The following SLC4A4 variants were observed in gnomAD, a reference collection of about 807,000 sequenced individuals.
SLC4A4 encodes solute carrier family 4 member 4, also known as electrogenic sodium bicarbonate cotransporter 1.
SLC4A4 carries 27 observed loss-of-function variants against 111.5 expected under a neutral mutation model. That is an observed-to-expected ratio of 0.24 (90% confidence interval 0.18 to 0.33). The LOEUF is 0.33. Among genes scored for constraint, SLC4A4 ranks in the 10% least tolerant of loss-of-function variants. The pLI, the probability that SLC4A4 is intolerant of heterozygous loss-of-function variation, is 1.00. For synonymous variants in SLC4A4, 443 were observed against 463.4 expected (o/e 0.96, Z 0.57); for missense variants, 909 against 1,315.5 (o/e 0.69, Z 4.78).
At chr4:71,373,002 A>C (rs1413219421) in intron 6 of SLC4A4, among the ~76,000 whole-genome samples, 1 of 152,186 alleles carries the variant, frequency 6.6e-6, no homozygotes, top group Non-Finnish European at 1.5e-5. Flanking sequence ...CATTTCTGGA[A>C]TTAAACAATT....
At chr4:71,193,716 G>T (rs1745859309) in intron 1 of SLC4A4, among the ~76,000 whole-genome samples, 1 of 152,028 alleles carries the variant, frequency 6.6e-6, no homozygotes. Context: ...TATGATTATT[G>T]TCTACACTTT....
At chr4:71,085,472 T>C (rs1742134679) in intron 1 of SLC4A4, among the ~76,000 whole-genome samples, 1 of 152,080 alleles carries the variant, frequency 6.6e-6, no homozygotes, top group Admixed American at 6.5e-5. Flanking sequence ...AGTCATGAAG[T>C]CCTTGCCCAT....
At chr4:71,426,501 A>G (rs1448152431) in intron 7 of SLC4A4, among the ~76,000 whole-genome samples, 1 of 152,150 alleles carries the variant, frequency 6.6e-6, no homozygotes, top group Non-Finnish European at 1.5e-5. Flanking sequence ...TCTATTAACC[A>G]AAGAAGCCAA....
At chr4:71,122,826 T>C (rs965341) in intron 2 of SLC4A4, among the ~76,000 whole-genome samples, 5,256 of 152,270 alleles carry the variant, frequency 0.035, 304 homozygotes, top group African/African-American at 0.12. Context: ...CACAGGACTT[T>C]CAATCATTTT....
At chr4:71,379,185 A>G (rs185445455) in intron 6 of SLC4A4, among the ~76,000 whole-genome samples, 2 of 152,248 alleles carry the variant, frequency 1.3e-5, no homozygotes, top group East Asian at 3.9e-4. Flanking sequence ...ACCTTTAGTG[A>G]TGACTCTCTA....
At chr4:71,394,371 A>G (rs969964776) in intron 6 of SLC4A4, among the ~76,000 whole-genome samples, 2 of 152,188 alleles carry the variant, frequency 1.3e-5, no homozygotes, top group Admixed American at 1.3e-4. Context: ...AAAAGAAGAT[A>G]TGCAAATGGC....
At chr4:71,098,885 G>A (rs1035759241) in intron 2 of SLC4A4, among the ~76,000 whole-genome samples, 8 of 152,132 alleles carry the variant, frequency 5.3e-5, no homozygotes, top group Non-Finnish European at 1.5e-5. Context: ...TAATGGTAAA[G>A]GGTAATTCAA....
intron 3 of SLC4A4, among the ~76,000 whole-genome samples, chr4:71,325,918 A>G (rs769334645): frequency 9.9e-5 from 15 of 151,856 alleles, no homozygotes; most frequent in Non-Finnish European, 2.2e-4. Flanking sequence ...AAACATTTAT[A>G]TGTTTATAAA....
At chr4:71,553,410 C>T (rs955032689) in intron 20 of SLC4A4, among the ~76,000 whole-genome samples, 2 of 151,750 alleles carry the variant, frequency 1.3e-5, no homozygotes, top group African/African-American at 4.8e-5. Context: ...TTTAGCTAAG[C>T]CTAGCTGAGG....
At chr4:71,157,289 C>G (rs559563266) in intron 2 of SLC4A4, among the ~76,000 whole-genome samples, 1 of 152,112 alleles carries the variant, frequency 6.6e-6, no homozygotes, top group South Asian at 2.1e-4. Flanking sequence ...TAAAGCCATG[C>G]CACTTAGAAA....
At chr4:71,373,547 G>C (rs1329496903) in intron 6 of SLC4A4, among the ~76,000 whole-genome samples, 2 of 152,208 alleles carry the variant, frequency 1.3e-5, no homozygotes, top group Admixed American at 6.5e-5. Flanking sequence ...GTATGAGGTA[G>C]AGTGAGTTGA....
intron 1 of SLC4A4, among the ~76,000 whole-genome samples, chr4:71,197,874 G>C (rs1228921942): frequency 6.6e-6 from 1 of 152,206 alleles, no homozygotes; most frequent in Non-Finnish European, 1.5e-5. Context: ...GGGGTTGTGG[G>C]TTTCCGTTGG....
intron 3 of SLC4A4, among the ~76,000 whole-genome samples, chr4:71,292,074 AAAG>A (rs1281729511): frequency 6.6e-6 from 1 of 152,244 alleles, no homozygotes; most frequent in Non-Finnish European, 1.5e-5. Flanking sequence ...CTATAAAAAA[AAAG>A]AAGAGAAATT....
intron 6 of SLC4A4, among the ~76,000 whole-genome samples, chr4:71,359,841 C>A (rs901031094): frequency 1.3e-5 from 2 of 152,128 alleles, no homozygotes; most frequent in African/African-American, 4.8e-5. Context: ...ATACCTTTGT[C>A]TTTAATCATA....
intron 7 of SLC4A4, among the ~76,000 whole-genome samples, chr4:71,416,885 G>A (rs983456258): frequency 1.3e-5 from 2 of 152,100 alleles, no homozygotes; most frequent in African/African-American, 2.4e-5. Flanking sequence ...GAGAAATCCC[G>A]GACAAGGGTA....
At position 71,567,877 on chromosome 4, in the gene SLC4A4, C is replaced by A; in HGVS notation, c.*126C>A. On this transcript the variant is annotated 3_prime_UTR_variant, in exon 26 of 26. Coordinates refer to ENST00000264485, the MANE Select transcript of SLC4A4 (RefSeq NM_001098484.3). ...GATTATTTCTGGAGGAGCAAGGGAACAGAAACTACATTGTAACCTGTTTGT... is the reference window on the plus strand; with the variant it reads ...GATTATTTCTGGAGGAGCAAGGGAAAAGAAACTACATTGTAACCTGTTTGT... 6.6e-7 allele frequency: 1 copy of A among 1,509,918 alleles called. No individual in the cohort carries two copies. Among genetic ancestry groups the A allele is most frequent in the Non-Finnish European group, 9.0e-7 (1 of 1,115,368 alleles). The allele number at this position is 1,509,918 out of a possible 1,614,324, so 93.5% of individuals were successfully genotyped here. A position where few individuals can be genotyped will look rare whatever the true frequency, so the allele number is the denominator to read the frequency against.
intron 2 of SLC4A4, among the ~76,000 whole-genome samples, chr4:71,127,884 G>A (rs1185857658): frequency 6.6e-6 from 1 of 152,212 alleles, no homozygotes; most frequent in African/African-American, 2.4e-5. Flanking sequence ...AGCACTTTGA[G>A]AGCCAAGGCG....
intron 20 of SLC4A4, among the ~76,000 whole-genome samples, chr4:71,548,298 T>A (rs1735702806): frequency 2.6e-5 from 4 of 152,052 alleles, no homozygotes; most frequent in Middle Eastern, 3.4e-3. Context: ...AGAAATGAAC[T>A]TTTGAAGAAG....
rs557458766 is a variant in SLC4A4, at chr4:71,266,782, C to CCTGAGACT, written c.253+11384_253+11391dup. Among the ~76,000 whole-genome samples the CCTGAGACT allele has an allele frequency of 2.8e-3, 433 of 152,212 alleles. 1 individual carries two copies. The highest frequency in any genetic ancestry group is 5.3e-3 in the Non-Finnish European group (361 of 68,022). ...ATGAGGAAAGAGATACAGCAAGATCCCTGAGACTTCAATTCAGTGCAGTGC... is the reference window on the plus strand; with the variant it reads ...ATGAGGAAAGAGATACAGCAAGATCCCTGAGACTCTGAGACTTCAATTCAGTGCAGTGC... On this transcript the variant is annotated intron_variant, in intron 3 of 25. Coordinates refer to ENST00000264485, the MANE Select transcript of SLC4A4 (RefSeq NM_001098484.3).
Sources: allele counts gnomAD v4.1 joint callset (sites outside exome capture counted in the v4.1 genomes callset), GRCh38; gene constraint gnomAD v4.1.1; transcripts MANE v1.5; gene names NCBI Gene and HGNC (gene_info 2026-07-23, HGNC 2026-07-21).